Variants in TAFA1 observed in about 807,000 individuals in gnomAD.
TAFA1 encodes chemokine-like protein TAFA-1.
A neutral mutation model predicts 18.5 loss-of-function variants in TAFA1; 4 were observed. That is an observed-to-expected ratio of 0.22 (90% CI 0.11 to 0.49). The LOEUF (loss-of-function observed/expected upper bound fraction) is 0.49, where lower values mean the gene tolerates loss of function less well. Ranked by LOEUF, TAFA1 falls within the 20% of genes least tolerant of loss-of-function variation. TAFA1 has a pLI of 0.98. For missense variants in TAFA1, 147 were observed against 169.0 expected (o/e 0.87, Z 0.72); for synonymous variants, 56 against 55.2 (o/e 1.01, Z -0.06).
intron 2 of TAFA1, among the ~76,000 whole-genome samples, chr3:68,047,158 G>A (rs575450407): frequency 2.8e-4 from 42 of 150,970 alleles, no homozygotes; most frequent in Admixed American, 2.0e-4. Context: ...ATAAAGCACC[G>A]ACAGTGAGAG....
At chr3:68,103,221 T>C (rs1481891284) in intron 2 of TAFA1, among the ~76,000 whole-genome samples, 1 of 152,168 alleles carries the variant, frequency 6.6e-6, no homozygotes, top group Non-Finnish European at 1.5e-5. Context: ...CCTGCAAGTG[T>C]TGAGGCAGAT....
chr3:68,037,660 T>A (rs1705080661), intron 2 of TAFA1, among the ~76,000 whole-genome samples: 1 of 152,188 alleles, frequency 6.6e-6, no homozygotes, highest in South Asian at 2.1e-4. Context: ...TCTTTTCCTC[T>A]GGTATGTGGA....
chr3:68,254,825 G>C (rs956578435), intron 2 of TAFA1, among the ~76,000 whole-genome samples: 1 of 152,052 alleles, frequency 6.6e-6, no homozygotes, highest in Non-Finnish European at 1.5e-5. Context: ...TAATGAGATT[G>C]TTTGATTGGT....
intron 2 of TAFA1, among the ~76,000 whole-genome samples, chr3:68,339,296 A>G (rs2069039600): frequency 1.3e-5 from 2 of 152,234 alleles, no homozygotes; most frequent in Non-Finnish European, 1.5e-5. Flanking sequence ...TTTTACTTTT[A>G]TGTCTCATTA....
At chr3:68,381,609 T>C (rs1467621177) in intron 2 of TAFA1, among the ~76,000 whole-genome samples, 1 of 152,286 alleles carries the variant, frequency 6.6e-6, no homozygotes, top group Admixed American at 6.5e-5. Flanking sequence ...GTGATTTTTG[T>C]ACATTGATTT....
intron 2 of TAFA1, among the ~76,000 whole-genome samples, chr3:68,068,106 T>A (rs2064705532): frequency 1.3e-5 from 2 of 152,182 alleles, no homozygotes; most frequent in African/African-American, 4.8e-5. Context: ...TCACCTGGCT[T>A]TGGGCATTGT....
intron 2 of TAFA1, among the ~76,000 whole-genome samples, chr3:68,405,099 T>C (rs7633207): frequency 0.013 from 1,994 of 152,302 alleles, 45 homozygotes; most frequent in African/African-American, 0.046. Flanking sequence ...AGTCATCATA[T>C]TGCAGTGTCT....
chr3:68,506,437 G>T (rs2106719248), intron 3 of TAFA1, among the ~76,000 whole-genome samples: 1 of 150,210 alleles, frequency 6.7e-6, no homozygotes, highest in East Asian at 2.0e-4. Flanking sequence ...ATCATTAGGG[G>T]TCACCTTAGG....
At chr3:68,079,509 T>C (rs1170318855) in intron 2 of TAFA1, among the ~76,000 whole-genome samples, 1 of 152,228 alleles carries the variant, frequency 6.6e-6, no homozygotes, top group Non-Finnish European at 1.5e-5. Context: ...TCTGGTATGT[T>C]GTGTCTTTGT....
At chr3:68,026,619 A>C (rs2106640380) in intron 2 of TAFA1, among the ~76,000 whole-genome samples, 1 of 152,216 alleles carries the variant, frequency 6.6e-6, no homozygotes, top group East Asian at 1.9e-4. Flanking sequence ...TTATTATCCC[A>C]GTTTTTCAGA....
intron 2 of TAFA1, among the ~76,000 whole-genome samples, chr3:68,207,162 G>A (rs1042409623): frequency 1.3e-5 from 2 of 151,684 alleles, no homozygotes; most frequent in African/African-American, 4.8e-5. Context: ...CCCTATATTA[G>A]CAAAAAATGG....
At chr3:68,521,658 GTTTA>G (rs2106751888) in intron 3 of TAFA1, among the ~76,000 whole-genome samples, 1 of 152,166 alleles carries the variant, frequency 6.6e-6, no homozygotes, top group Non-Finnish European at 1.5e-5. Flanking sequence ...TTGGCATGTG[GTTTA>G]TTTATTCCTC....
intron 2 of TAFA1, among the ~76,000 whole-genome samples, chr3:68,353,210 C>T (rs2069301561): frequency 6.6e-6 from 1 of 152,094 alleles, no homozygotes; most frequent in African/African-American, 2.4e-5. Flanking sequence ...CTTTGTGTAA[C>T]TGATCCAAGC....
intron 2 of TAFA1, among the ~76,000 whole-genome samples, chr3:68,138,688 A>G (rs768563422): frequency 3.1e-4 from 47 of 152,216 alleles, no homozygotes; most frequent in Non-Finnish European, 6.5e-4. Flanking sequence ...CATGTATAAG[A>G]TGGAAACTCC....
intron 2 of TAFA1, among the ~76,000 whole-genome samples, chr3:68,249,231 T>A (rs990441335): frequency 2.6e-5 from 4 of 152,184 alleles, no homozygotes. Context: ...GTGGATGTTA[T>A]CCCCAGGACT....
intron 2 of TAFA1, among the ~76,000 whole-genome samples, chr3:68,034,295 G>A (rs1472992816): frequency 6.6e-6 from 1 of 152,158 alleles, no homozygotes; most frequent in African/African-American, 2.4e-5. Flanking sequence ...AAACATAACA[G>A]CTAACATGAG....
intron 3 of TAFA1, among the ~76,000 whole-genome samples, chr3:68,490,605 A>T (rs551833478): frequency 6.6e-6 from 1 of 152,168 alleles, no homozygotes; most frequent in Non-Finnish European, 1.5e-5. Flanking sequence ...CTAGACATTT[A>T]AGAGATTTAA....
chr3:68,135,320 C>A (rs75648109), intron 2 of TAFA1, among the ~76,000 whole-genome samples: 1,896 of 152,298 alleles, frequency 0.012, 17 homozygotes, highest in Non-Finnish European at 0.02. Context: ...AGGTAGCTAG[C>A]TCTGGCCAAA....
At chr3:68,538,601 C>T (rs1463603503) in intron 3 of TAFA1, among the ~76,000 whole-genome samples, 155 bp from the exon 4 acceptor site, 1 of 152,100 alleles carries the variant, frequency 6.6e-6, no homozygotes, top group Non-Finnish European at 1.5e-5. Flanking sequence ...AAATTAAAAT[C>T]TTATTTTTTT....
Sources: allele counts gnomAD v4.1 joint callset (sites outside exome capture counted in the v4.1 genomes callset), GRCh38; gene constraint gnomAD v4.1.1; transcripts MANE v1.5; gene names NCBI Gene and HGNC (gene_info 2026-07-23, HGNC 2026-07-21).